The following ARHGAP26 variants were observed in gnomAD, a reference collection of about 807,000 sequenced individuals.
ARHGAP26 encodes the protein Rho GTPase activating protein 26, also known as rho GTPase-activating protein 26.
In ARHGAP26, 38 loss-of-function variants were observed where a neutral mutation model predicts 104.8. The ratio of observed to expected loss-of-function variants is 0.36; its 90% CI spans 0.28 to 0.48. ARHGAP26 has a LOEUF of 0.48. ARHGAP26 is among the 20% of genes least tolerant of loss of function. ARHGAP26 has a pLI of 0.99. For missense variants in ARHGAP26, 704 were observed against 947.9 expected (o/e 0.74, Z 3.38); for synonymous variants, 341 against 340.0 (o/e 1.00, Z -0.03).
At position 142,918,003 on chromosome 5, in the gene ARHGAP26, A is replaced by G. The variant is rs75588388; in HGVS notation, c.1028+4710A>G. ...CTCAAATCCCTGACACATAAGTCCT[A>G]CAGAAAACTGTTGTCATTCTTTGAA... On this transcript the variant is annotated intron_variant, in intron 10 of 22. Transcript: ENST00000645722. 5.8e-3 allele frequency among the ~76,000 whole-genome samples: 882 copies of G among 152,316 alleles called. 10 individuals carry two copies. The highest frequency in any genetic ancestry group is 0.019 in the African/African-American group (786 of 41,562).
At chr5:142,893,593 C>G (rs779187966) in intron 5 of ARHGAP26, among the ~76,000 whole-genome samples, 58 of 152,044 alleles carry the variant, frequency 3.8e-4, no homozygotes, top group Non-Finnish European at 7.2e-4. Context: ...TAGTGATTTC[C>G]TTTTCTTTGG....
At chr5:142,803,348 C>T (rs545878711) in intron 1 of ARHGAP26, among the ~76,000 whole-genome samples, 1 of 152,142 alleles carries the variant, frequency 6.6e-6, no homozygotes, top group Non-Finnish European at 1.5e-5. Context: ...AATTTTGTCT[C>T]ATTGTTTCCC....
intron 19 of ARHGAP26, among the ~76,000 whole-genome samples, chr5:143,138,670 A>T (rs544520769): frequency 1.2e-4 from 18 of 152,292 alleles, no homozygotes; most frequent in African/African-American, 4.3e-4. Context: ...ATTTAGCCAA[A>T]CTGAACCTGG....
At chr5:143,102,272 C>T (rs1562427967) in intron 17 of ARHGAP26, among the ~76,000 whole-genome samples, 1 of 152,124 alleles carries the variant, frequency 6.6e-6, no homozygotes. Context: ...GGGCTCCCTC[C>T]TGATAAACTT....
At position 143,073,514 on chromosome 5, in the gene ARHGAP26, A is replaced by G. The variant is rs17099850; in HGVS notation, c.1538+15767A>G. ...CTATGGAAAAGGCACTGACTTATCTATGAGGCTAATTATTTATTTCCCTAT... is the reference window on the plus strand; with the variant it reads ...CTATGGAAAAGGCACTGACTTATCTGTGAGGCTAATTATTTATTTCCCTAT... On this transcript the variant is annotated intron_variant, in intron 17 of 22. Coordinates refer to ENST00000645722, the MANE Select transcript of ARHGAP26 (RefSeq NM_001135608.3). Among the ~76,000 whole-genome samples the G allele has an allele frequency of 9.5e-3, 1,444 of 152,302 alleles. 26 individuals carry two copies. The highest frequency in any genetic ancestry group is 0.033 in the African/African-American group (1,376 of 41,572).
At chr5:142,878,636 A>G (rs529701983) in intron 3 of ARHGAP26, among the ~76,000 whole-genome samples, 1 of 152,244 alleles carries the variant, frequency 6.6e-6, no homozygotes, top group African/African-American at 2.4e-5. Flanking sequence ...GTAGTCAGGG[A>G]AGGCCTCCCT....
intron 11 of ARHGAP26, among the ~76,000 whole-genome samples, chr5:142,949,264 A>C (rs1767920850): frequency 7.8e-6 from 1 of 128,136 alleles, no homozygotes; most frequent in Non-Finnish European, 1.6e-5. Flanking sequence ...AGAGTTGAGA[A>C]TAGTAGCGAG....
intron 17 of ARHGAP26, among the ~76,000 whole-genome samples, chr5:143,097,140 A>T (rs1598997619): frequency 6.6e-6 from 1 of 151,924 alleles, no homozygotes; most frequent in Non-Finnish European, 1.5e-5. Flanking sequence ...GGAGTTTGAG[A>T]CCAGCCTGGC....
intron 19 of ARHGAP26, among the ~76,000 whole-genome samples, chr5:143,138,404 C>T (rs939625986): frequency 2.6e-5 from 4 of 152,178 alleles, no homozygotes; most frequent in African/African-American, 9.7e-5. Flanking sequence ...ATTTAGAAAG[C>T]ATCGTAGCAA....
At chr5:143,001,749 G>A (rs1223489322) in intron 11 of ARHGAP26, among the ~76,000 whole-genome samples, 8 of 152,198 alleles carry the variant, frequency 5.3e-5, no homozygotes, top group Non-Finnish European at 8.8e-5. Context: ...TGCTCCTTGG[G>A]AGTTGTGGGA....
intron 11 of ARHGAP26, among the ~76,000 whole-genome samples, chr5:142,951,740 C>T (rs1004097126): frequency 6.6e-6 from 1 of 152,202 alleles, no homozygotes; most frequent in African/African-American, 2.4e-5. Flanking sequence ...GCTGCTGTGG[C>T]TGTTCATTCA....
At chr5:143,018,247 C>T (rs990462403) in intron 12 of ARHGAP26, among the ~76,000 whole-genome samples, 1 of 152,146 alleles carries the variant, frequency 6.6e-6, no homozygotes, top group African/African-American at 2.4e-5. Flanking sequence ...ATACTAATCC[C>T]TTGTTAGATT....
chr5:142,897,387 A>G (rs910192897), intron 6 of ARHGAP26, among the ~76,000 whole-genome samples: 1 of 152,210 alleles, frequency 6.6e-6, no homozygotes, highest in African/African-American at 2.4e-5. Context: ...TTGCTTTTCT[A>G]CAGAAGTTAT....
chr5:142,929,600 A>C (rs1378932317), intron 10 of ARHGAP26, among the ~76,000 whole-genome samples: 1 of 152,212 alleles, frequency 6.6e-6, no homozygotes, highest in African/African-American at 2.4e-5. Context: ...ACAAGACCAC[A>C]TGTGGAAAAG....
intron 1 of ARHGAP26, among the ~76,000 whole-genome samples, chr5:142,784,980 G>C (rs2151872634): frequency 7.1e-6 from 1 of 141,642 alleles, no homozygotes; most frequent in South Asian, 2.2e-4. Context: ...AGGCTGGAGT[G>C]CAGTGGCGCG....
At chr5:143,209,920 AG>A (rs1383940655) in intron 21 of ARHGAP26, among the ~76,000 whole-genome samples, 1 of 152,188 alleles carries the variant, frequency 6.6e-6, no homozygotes, top group African/African-American at 2.4e-5. Flanking sequence ...TATAGCAAAG[AG>A]GTGGTGGTAT....
chr5:142,824,502 G>T (rs1766831334), intron 1 of ARHGAP26, among the ~76,000 whole-genome samples: 1 of 152,178 alleles, frequency 6.6e-6, no homozygotes, highest in South Asian at 2.1e-4. Flanking sequence ...TCCAGAGTGG[G>T]TGTCCCGGCA....
intron 11 of ARHGAP26, among the ~76,000 whole-genome samples, chr5:142,986,342 T>G (rs1378383731): frequency 3.3e-5 from 5 of 152,228 alleles, no homozygotes; most frequent in African/African-American, 1.2e-4. Flanking sequence ...TTGCCCACTT[T>G]TTGATGGGGT....
At chr5:143,141,630 A>G (rs1333381367) in intron 19 of ARHGAP26, among the ~76,000 whole-genome samples, 1 of 152,224 alleles carries the variant, frequency 6.6e-6, no homozygotes, top group Non-Finnish European at 1.5e-5. Flanking sequence ...GTAGGTGTGT[A>G]GTTTCCTTCT....
Sources: allele counts gnomAD v4.1 joint callset (sites outside exome capture counted in the v4.1 genomes callset), GRCh38; gene constraint gnomAD v4.1.1; transcripts MANE v1.5; gene names NCBI Gene and HGNC (gene_info 2026-07-23, HGNC 2026-07-21).